Variants in ELP4 observed in about 807,000 individuals in gnomAD.
The protein encoded by ELP4 is elongator complex protein 4.
Under a neutral mutation model 48.9 loss-of-function variants are expected in ELP4, and 51 were observed. The observed-to-expected ratio is 1.04, with a 90% confidence interval of 0.83 to 1.32. ELP4 has a LOEUF of 1.32. ELP4 is among the 40% of genes most tolerant of loss of function. ELP4 has a pLI of 0.00. For synonymous variants in ELP4, 210 were observed against 189.2 expected (o/e 1.11, Z -0.90); for missense variants, 519 against 514.6 (o/e 1.01, Z -0.08).
intron 7 of ELP4, among the ~76,000 whole-genome samples, chr11:31,641,357 A>G (rs1246770154): frequency 3.3e-5 from 5 of 151,916 alleles, no homozygotes; most frequent in Non-Finnish European, 7.4e-5. Context: ...TTTCTTCAAG[A>G]AAGTGTATAT....
intron 9 of ELP4, among the ~76,000 whole-genome samples, chr11:31,731,567 G>GGTATGT: frequency 1.4e-5 from 2 of 142,866 alleles, no homozygotes; most frequent in Non-Finnish European, 3.0e-5. Context: ...CCATTAAGCA[G>GGTATGT]GTGTGTGTGT....
intron 5 of ELP4, among the ~76,000 whole-genome samples, chr11:31,613,148 A>G (rs1002027930): frequency 4.6e-5 from 7 of 152,158 alleles, no homozygotes; most frequent in African/African-American, 9.7e-5. Context: ...TTTTTTCTGT[A>G]TAAGAGATCA....
At chr11:31,600,090 TAC>T (rs1957752237) in intron 4 of ELP4, 6 of 152,200 alleles carry the variant, frequency 3.9e-5, no homozygotes, top group Admixed American at 3.9e-4. Context: ...GTAGCCATAT[TAC>T]CACTTACTAA....
intron 9 of ELP4, among the ~76,000 whole-genome samples, chr11:31,684,316 C>T (rs1210219906): frequency 6.6e-6 from 1 of 152,094 alleles, no homozygotes; most frequent in Non-Finnish European, 1.5e-5. Flanking sequence ...AAGTGATTCT[C>T]CTGCCTCAGC....
chr11:31,736,497 A>G (rs1048981422), intron 9 of ELP4, among the ~76,000 whole-genome samples: 39 of 152,118 alleles, frequency 2.6e-4, no homozygotes, highest in Middle Eastern at 3.4e-3. Flanking sequence ...AAACTAAAGA[A>G]CTTCTGCACA....
rs370447209 is a variant in ELP4, at chr11:31,787,825, A to C, written c.*4301A>C. 2.8e-4 allele frequency: 64 copies of C among 225,642 alleles called. No homozygotes were observed. The highest frequency in any genetic ancestry group is 1.4e-3 in the African/African-American group (62 of 45,098). The allele number at this position is 225,642 out of a possible 1,614,324, so 14.0% of individuals were successfully genotyped here. On this transcript the variant is annotated 3_prime_UTR_variant, in exon 10 of 10. Coordinates refer to ENST00000640961, the MANE Select transcript of ELP4 (RefSeq NM_019040.5). ...TCACAAGTAATTCCTTAACTAAAAA[A>C]CAGTAGATATTGAACGAGAAGGTCA...
intron 3 of ELP4, among the ~76,000 whole-genome samples, chr11:31,540,929 G>A (rs971273289): frequency 9.2e-5 from 14 of 152,120 alleles, no homozygotes; most frequent in African/African-American, 2.7e-4. Flanking sequence ...GAATCTTTAA[G>A]CCAAAGCACA....
intron 9 of ELP4, among the ~76,000 whole-genome samples, chr11:31,764,668 A>G (rs1275229909): frequency 1.3e-5 from 2 of 152,180 alleles, no homozygotes; most frequent in Non-Finnish European, 2.9e-5. Context: ...GCTTGAAAAG[A>G]TTTTATTCAG....
chr11:31,557,778 T>C (rs962129663), intron 3 of ELP4, among the ~76,000 whole-genome samples: 1 of 152,096 alleles, frequency 6.6e-6, no homozygotes, highest in African/African-American at 2.4e-5. Flanking sequence ...ATACAGTGTA[T>C]CATGTTATAA....
intron 3 of ELP4, among the ~76,000 whole-genome samples, chr11:31,570,207 C>T (rs1957172431): frequency 6.6e-6 from 1 of 152,166 alleles, no homozygotes. Context: ...TTTGCAGCAA[C>T]ATGGATGTAG....
chr11:31,534,402 T>C (rs773969063), intron 2 of ELP4, among the ~76,000 whole-genome samples: 1 of 152,070 alleles, frequency 6.6e-6, no homozygotes, highest in Non-Finnish European at 1.5e-5. Context: ...GGGTTTCATC[T>C]TGGGCATGTT....
At chr11:31,653,494 T>C (rs1287216363) in intron 9 of ELP4, 3 of 151,708 alleles carry the variant, frequency 2.0e-5, no homozygotes, top group Non-Finnish European at 3.0e-5. Context: ...TATACGAGCT[T>C]AGTTATATTT....
At chr11:31,515,472 A>AC (rs1956094446) in intron 1 of ELP4, among the ~76,000 whole-genome samples, 2 of 152,102 alleles carry the variant, frequency 1.3e-5, no homozygotes, top group African/African-American at 2.4e-5. Context: ...ATATAGTGAG[A>AC]CCCCATCTCT....
intron 9 of ELP4, among the ~76,000 whole-genome samples, chr11:31,782,960 C>T (rs1243453556): frequency 6.6e-6 from 1 of 152,146 alleles, no homozygotes; most frequent in Non-Finnish European, 1.5e-5. Flanking sequence ...TCTATAATTG[C>T]TGAAAAGCTA....
chr11:31,742,583 G>A (rs1947480173), intron 9 of ELP4, among the ~76,000 whole-genome samples: 1 of 152,172 alleles, frequency 6.6e-6, no homozygotes. Context: ...AGAAGAGAGT[G>A]GGGGCCAATA....
chr11:31,540,846 T>C (rs1360722942), intron 3 of ELP4, among the ~76,000 whole-genome samples: 1 of 152,190 alleles, frequency 6.6e-6, no homozygotes, highest in East Asian at 1.9e-4. Context: ...AAGTACTCAT[T>C]GATTAATATT....
Position 31,785,888 on chromosome 11 carries a change from AAATACTTAAGAAC to A in ELP4, c.*2368_*2380del, listed in dbSNP as rs1565160682. ...AATTATCAGCTTGACTCAAAGATATAAATACTTAAGAACAATGCCAAACGTAATATCTGAAATG... is the reference window on the plus strand; with the variant it reads ...AATTATCAGCTTGACTCAAAGATATAAATGCCAAACGTAATATCTGAAATG... On this transcript the variant is annotated 3_prime_UTR_variant, in exon 10 of 10. Transcript: ENST00000640961. 5.1e-6 allele frequency: 1 copy of A among 195,826 alleles called. No homozygotes were observed. The highest frequency in any genetic ancestry group is 1.1e-5 in the Non-Finnish European group (1 of 94,304). 12.1% of individuals were successfully genotyped at this position (195,826 alleles called of 1,614,324 possible).
chr11:31,757,695 C>T (rs973645625), intron 9 of ELP4, among the ~76,000 whole-genome samples: 1 of 152,106 alleles, frequency 6.6e-6, no homozygotes, highest in African/African-American at 2.4e-5. Context: ...GAAGTACTTC[C>T]AAATGGTACT....
At chr11:31,767,599 C>T (rs1948067829) in intron 9 of ELP4, 1 of 152,014 alleles carries the variant, frequency 6.6e-6, no homozygotes. Context: ...AAAAAAAGAC[C>T]CTAAGAGCAG....
Sources: allele counts gnomAD v4.1 joint callset (sites outside exome capture counted in the v4.1 genomes callset), GRCh38; gene constraint gnomAD v4.1.1; transcripts MANE v1.5; gene names NCBI Gene and HGNC (gene_info 2026-07-23, HGNC 2026-07-21).